Variants in HGS observed in about 807,000 individuals in gnomAD.
The protein encoded by HGS is human growth factor-regulated tyrosine kinase substrate.
A neutral mutation model predicts 109.7 loss-of-function variants in HGS; 63 were observed. That is an observed-to-expected ratio of 0.57 (90% confidence interval 0.47 to 0.71). HGS has a LOEUF of 0.71. HGS is among the 30% of genes least tolerant of loss of function. HGS has a pLI of 0.00. For missense variants in HGS, 995 were observed against 1,068.3 expected (o/e 0.93, Z 0.96); for synonymous variants, 546 against 437.3 (o/e 1.25, Z -3.10).
rs1158700189 is a variant in HGS, at chr17:81,691,411, G to C, written c.538-36G>C. The C allele has an allele frequency of 6.2e-7, 1 of 1,612,046 alleles. No homozygotes were observed. Among genetic ancestry groups the C allele is most frequent in the Non-Finnish European group, 8.5e-7 (1 of 1,179,486 alleles). Reference sequence around the variant, plus strand: ...CCGGGTGGCGCATCAGGGTCCCCCAGTGCCTGTGACCAGGCCCGCCCGCCC... The same window carrying C: ...CCGGGTGGCGCATCAGGGTCCCCCACTGCCTGTGACCAGGCCCGCCCGCCC... On this transcript the variant is annotated intron_variant, in intron 7 of 21. Coordinates refer to ENST00000329138, the MANE Select transcript of HGS (RefSeq NM_004712.5). This position sits in a 1 kb window ranked among gnomAD's most constrained non-coding sequence, Gnocchi z 5.3.
At position 81,693,600 on chromosome 17, in the gene HGS, C is replaced by T; in HGVS notation, c.741+19C>T. On this transcript the variant is annotated intron_variant, in intron 9 of 21. Transcript: ENST00000329138. ...GTCCCAGGTACTCAGCCCCCTCCGT[C>T]CCGTGGGCACCTCTTCCCCGGCGCC... 2 of 1,561,904 alleles carry T rather than the reference C, an allele frequency of 1.3e-6. No homozygotes were observed. The highest frequency in any genetic ancestry group is 1.8e-6 in the Non-Finnish European group (2 of 1,142,148).
chr17:81,688,690 C>T lies in HGS; in HGVS notation c.292-14C>T, dbSNP rs774753883. The stretch of plus-strand genomic sequence containing the variant: ...AGTGTCCTGCGACCCTCACCCCCTT[C>T]TCCCTGCCTGCAGAGACAAGTGGAG... On this transcript the variant is annotated splice_polypyrimidine_tract_variant and intron_variant, in intron 4 of 21. Transcript: ENST00000329138. The T allele has an allele frequency of 8.1e-6, 13 of 1,613,146 alleles. No homozygotes were observed. The highest frequency in any genetic ancestry group is 2.7e-5 in the African/African-American group (2 of 74,890).
At chr17:81,696,780 G>A in intron 17 of HGS, 33 bp downstream of exon 17, 1 of 1,602,226 alleles carries the variant, frequency 6.2e-7, no homozygotes, top group Non-Finnish European at 8.5e-7. Flanking sequence ...CCAGAGGCTT[G>A]TGGGCTGAGG....
At chr17:81,686,677 G>T (rs570115677) in intron 3 of HGS, among the ~76,000 whole-genome samples, 1 of 152,384 alleles carries the variant, frequency 6.6e-6, no homozygotes, top group Non-Finnish European at 1.5e-5. Flanking sequence ...GTGAGACTTG[G>T]CGTCACGGAG....
Position 81,691,582 on chromosome 17 carries a change from G to GC in HGS, c.662+17dup. Reference sequence around the variant, plus strand: ...CGAGCAGCTGAACAGGTGAGTCCCCGCCCCCCATTTGGGCTGCAGGTGGGG... The same window carrying GC: ...CGAGCAGCTGAACAGGTGAGTCCCCGCCCCCCCATTTGGGCTGCAGGTGGGG... On this transcript the variant is annotated intron_variant, in intron 8 of 21. Transcript: ENST00000329138. The surrounding 1 kb of genome is among the most constrained non-coding windows in gnomAD (Gnocchi z 5.3). 5 of 1,613,688 alleles carry GC rather than the reference G, an allele frequency of 3.1e-6. No individual in the cohort carries two copies. Among genetic ancestry groups the GC allele is most frequent in the Non-Finnish European group, 4.2e-6 (5 of 1,179,802 alleles).
intron 11 of HGS, among the ~76,000 whole-genome samples, chr17:81,694,426 A>G (rs550325055): frequency 6.6e-6 from 1 of 152,312 alleles, no homozygotes; most frequent in Non-Finnish European, 1.5e-5. Context: ...CTGCAGGCCC[A>G]GGGGTGCAGA....
rs765190465 is a variant in HGS at position 81,694,880 on chromosome 17, C to T, written c.975+27C>T. 6 of 1,614,080 alleles carry T rather than the reference C, an allele frequency of 3.7e-6. No homozygotes were observed. The South Asian group carries it at 4.4e-5, about 12-fold the overall frequency. ...TAAGGCCCAGCATGGGGTGCATCCT[C>T]TCACGGTTTCTGGCCTTGGGAGTGA... On this transcript the variant is annotated intron_variant, in intron 12 of 21. Coordinates refer to ENST00000329138, the MANE Select transcript of HGS (RefSeq NM_004712.5).
chr17:81,696,367 G>A lies in HGS; in HGVS notation c.1404G>A (p.Glu468=). 1 of 1,584,896 alleles carries A rather than the reference G, an allele frequency of 6.3e-7. No homozygotes were observed. Among genetic ancestry groups the A allele is most frequent in the South Asian group, 1.2e-5 (1 of 86,230 alleles). Residue 468 remains glutamate, a synonymous_variant, in exon 16 of 22, where the codon GAG becomes GAA. Transcript: ENST00000329138. ...NQLDERRLYY[E]GLQDKLAQIR... ...GTCATCTGCCCACAGTGTACTATGA[G>A]GGGCTGCAGGACAAGCTGGCACAGA... is the stretch of plus-strand genomic sequence containing the variant.
intron 14 of HGS, 126 bp downstream of exon 14, chr17:81,695,349 C>T (rs760623535): frequency 7.0e-6 from 7 of 993,396 alleles, no homozygotes; most frequent in Non-Finnish European, 1.1e-5. Flanking sequence ...CTGCCCCAGC[C>T]CAGCCCTGGC....
Position 81,694,797 on chromosome 17 carries a change from A to G in HGS, c.937-18A>G, listed in dbSNP as rs1416068133. On this transcript the variant is annotated intron_variant, in intron 11 of 21. Transcript: ENST00000329138. ...TGGCTCTGTCACCTGTGAGACTCAGATGCCCTTTTCTCCCCAGAACTCGTC... is the reference window on the plus strand; with the variant it reads ...TGGCTCTGTCACCTGTGAGACTCAGGTGCCCTTTTCTCCCCAGAACTCGTC... The G allele has an allele frequency of 3.1e-6, 5 of 1,614,184 alleles. No homozygotes were observed. Among genetic ancestry groups the G allele is most frequent in the Non-Finnish European group, 3.4e-6 (4 of 1,180,016 alleles).
In HGS at chr17:81,701,856, CA is replaced by C; in HGVS notation, c.*239del. On this transcript the variant is annotated 3_prime_UTR_variant, in exon 22 of 22. Coordinates refer to ENST00000329138, the MANE Select transcript of HGS (RefSeq NM_004712.5). ...CCATGGGGAGGGAAGGACTTTCTCC[CA>C]GGGGAAGCCCCCAGCCCTGTGGGTC... The C allele has an allele frequency of 1.9e-6, 1 of 522,746 alleles. No homozygotes were observed. The highest frequency in any genetic ancestry group is 3.7e-5 in the East Asian group (1 of 27,108). 32.4% of individuals were successfully genotyped at this position (522,746 alleles called of 1,614,324 possible).
chr17:81,690,608 G>A, intron 6 of HGS, 66 bp from the exon 7 acceptor site: 3 of 1,493,582 alleles, frequency 2.0e-6, no homozygotes, highest in Non-Finnish European at 2.8e-6. Flanking sequence ...TGGGGCAGGG[G>A]AGGCTCTGTG....
intron 18 of HGS, 39 bp from the exon 19 acceptor site, chr17:81,700,428 G>GC (rs1241100941): frequency 3.3e-6 from 5 of 1,494,426 alleles, no homozygotes; most frequent in Non-Finnish European, 4.5e-6. Flanking sequence ...CCTCCCTGTT[G>GC]CCCTGGCTGA....
Position 81,691,623 on chromosome 17 carries a change from G to A in HGS, c.662+52G>A, listed in dbSNP as rs754891334. 2.5e-6 allele frequency: 4 copies of A among 1,610,354 alleles called. No homozygotes were observed. Among genetic ancestry groups the A allele is most frequent in the South Asian group, 2.2e-5 (2 of 90,978 alleles). On this transcript the variant is annotated intron_variant, in intron 8 of 21. Coordinates refer to ENST00000329138, the MANE Select transcript of HGS (RefSeq NM_004712.5). The surrounding 1 kb of genome is among the most constrained non-coding windows in gnomAD (Gnocchi z 5.3). The stretch of plus-strand genomic sequence containing the variant: ...GCAGGTGGGGCAGGCTCTCCAGGCT[G>A]GGTTTTCTGTCCCTCTTGGCCATGG...
chr17:81,700,322 T>C, intron 18 of HGS, 145 bp from the exon 19 acceptor site: 1 of 759,258 alleles, frequency 1.3e-6, no homozygotes, highest in Non-Finnish European at 2.0e-6. Flanking sequence ...TGAGCCAGGA[T>C]TGTGCCACTG....
rs764090115 is a variant in HGS, at chr17:81,701,076, C to T, written c.2168C>T (p.Ala723Val). 4.3e-6 allele frequency: 7 copies of T among 1,613,940 alleles called. No homozygotes were observed. The highest frequency in any genetic ancestry group is 3.3e-5 in the South Asian group (3 of 91,092). The stretch of plus-strand genomic sequence containing the variant: ...ATGACCACCCTCCCAAGCCAGGATG[C>T]GTCTCTGCCACCCCAGCAGCCCTAC... ...NLMTTLPSQD[A>V]SLPPQQPYIA... is the part of the protein sequence containing the mutation. Residue 723 changes from alanine (A) to valine (V), a missense_variant, in exon 21 of 22, where the codon GCG becomes GTG. By Grantham distance (64) the Ala-to-Val change is moderately conservative. Around this residue, in one of 6 missense-constraint regions of HGS, gnomAD observed 326 missense variants for 309.7 expected, o/e 1.05. Transcript: ENST00000329138.
rs2037218521 is a variant in HGS, at chr17:81,700,482, G to A, written c.1898G>A (p.Ser633Asn). ...TTTGTCACAGATCCCAGCATGGTGAGTGCCTACATGTACCCAGCAGGGGCC... is the reference window on the plus strand; with the variant it reads ...TTTGTCACAGATCCCAGCATGGTGAATGCCTACATGTACCCAGCAGGGGCC... ...PSTAADPSMV[S>N]AYMYPAGATG... The change falls in exon 19 of 22, where the codon AGT becomes AAT. Residue 633 changes from serine to asparagine, a missense_variant. By Grantham distance (46) the Ser-to-Asn change is conservative. This residue lies in a region of HGS where 326 missense variants were observed against 309.7 expected (regional missense o/e 1.05). Coordinates refer to ENST00000329138, the MANE Select transcript of HGS (RefSeq NM_004712.5). 6.3e-7 allele frequency: 1 copy of A among 1,584,462 alleles called. No homozygotes were observed. Among genetic ancestry groups the A allele is most frequent in the African/African-American group, 1.4e-5 (1 of 74,062 alleles).
intron 11 of HGS, 125 bp from the exon 12 acceptor site, chr17:81,694,690 G>A (rs1437766275): frequency 9.2e-7 from 1 of 1,090,662 alleles, no homozygotes; most frequent in Non-Finnish European, 1.4e-6. Flanking sequence ...ACCAGAGGAG[G>A]GCACGGAGGG....
intron 18 of HGS, 43 bp from the exon 19 acceptor site, chr17:81,700,424 T>C (rs200406923): frequency 4.1e-4 from 610 of 1,491,190 alleles, no homozygotes; most frequent in Non-Finnish European, 4.1e-4. Context: ...CTCTCCTCCC[T>C]GTTGCCCTGG....
Sources: allele counts gnomAD v4.1 joint callset (sites outside exome capture counted in the v4.1 genomes callset), GRCh38; gene constraint gnomAD v4.1.1; regional missense constraint gnomAD v4.1.1; non-coding constraint Gnocchi (gnomAD v3.1); transcripts MANE v1.5; gene names NCBI Gene and HGNC (gene_info 2026-07-23, HGNC 2026-07-21).